MID1: variants seen among roughly 807,000 people sequenced by gnomAD.
The protein encoded by MID1 is midline 1.
In MID1, 7 loss-of-function variants were observed where a neutral mutation model predicts 40.4. That is an observed-to-expected ratio of 0.17 (90% CI 0.10 to 0.33). The LOEUF (loss-of-function observed/expected upper bound fraction) is 0.33, where lower values mean the gene tolerates loss of function less well. Among genes scored for constraint, MID1 ranks in the 10% least tolerant of loss-of-function variants. MID1 has a pLI of 1.00. For synonymous variants in MID1, 229 were observed against 221.2 expected (o/e 1.04, Z -0.31); for missense variants, 367 against 558.5 (o/e 0.66, Z 3.46).
At chrX:10,774,130 T>C (rs191155703) in intron 1 of MID1, among the ~76,000 whole-genome samples, 1,121 of 111,289 alleles carry the variant, frequency 0.01, 5 homozygotes, top group Non-Finnish European at 0.015. Context: ...AAAGAGGCTA[T>C]TGAAGTTCCA....
intron 1 of MID1, among the ~76,000 whole-genome samples, chrX:10,617,065 AATG>A (rs1427306842): frequency 8.9e-6 from 1 of 112,317 alleles, no homozygotes. Flanking sequence ...CCAGTTACAG[AATG>A]ATAAGAAAAA....
Position 10,593,704 on chromosome X carries a change from T to C in MID1, c.-56-26101A>G, listed in dbSNP as rs191120043. Reference sequence around the variant, plus strand: ...GGATAAGACTGGGACTCATGTTCTCTCTCTGAATACCCACACACTCTCACA... The same window carrying C: ...GGATAAGACTGGGACTCATGTTCTCCCTCTGAATACCCACACACTCTCACA... On this transcript the variant is annotated intron_variant, in intron 1 of 9. Transcript: ENST00000317552. Among the ~76,000 whole-genome samples, 320 of 107,879 alleles carry C rather than the reference T, an allele frequency of 3.0e-3. 3 individuals carry two copies. The highest frequency in any genetic ancestry group is 0.01 in the African/African-American group (306 of 29,473). 93.7% of individuals were successfully genotyped at this position (107,879 alleles called of 115,157 possible).
chrX:10,496,249 A>C (rs1379657867), intron 3 of MID1, among the ~76,000 whole-genome samples: 1 of 112,285 alleles, frequency 8.9e-6, no homozygotes, highest in Non-Finnish European at 1.9e-5. Context: ...ATGGTTCAAT[A>C]GTTTATTAAT....
chrX:10,605,370 G>A (rs1371625173), intron 1 of MID1, among the ~76,000 whole-genome samples: 2 of 111,778 alleles, frequency 1.8e-5, no homozygotes, highest in African/African-American at 6.5e-5. Flanking sequence ...GAAGTCACCA[G>A]GAGAATGCAT....
intron 1 of MID1, among the ~76,000 whole-genome samples, chrX:10,764,447 A>G (rs760736555): frequency 3.6e-5 from 4 of 112,038 alleles, no homozygotes; most frequent in African/African-American, 1.3e-4. Context: ...AAACTCTAAG[A>G]CAAAAATAAT....
At chrX:10,455,119 G>T in intron 8 of MID1, 42 bp from the exon 9 acceptor site, 1 of 1,093,550 alleles carries the variant, frequency 9.1e-7, no homozygotes, top group Middle Eastern at 2.5e-4. Flanking sequence ...AGAGGAAGAG[G>T]ATTGTTTATT....
At chrX:10,617,816 T>C (rs1935864412) in intron 1 of MID1, among the ~76,000 whole-genome samples, 1 of 112,404 alleles carries the variant, frequency 8.9e-6, no homozygotes, top group Non-Finnish European at 1.9e-5. Flanking sequence ...GGAAGGTTCA[T>C]AAAAGTTTCC....
chrX:10,730,733 G>A (rs190791480), intron 1 of MID1, among the ~76,000 whole-genome samples: 12 of 109,003 alleles, frequency 1.1e-4, no homozygotes, highest in African/African-American at 3.0e-4. Context: ...CACCACGCCC[G>A]GCTAATTTTT....
At chrX:10,816,021 C>T (rs2044133951) in intron 1 of MID1, among the ~76,000 whole-genome samples, 1 of 111,882 alleles carries the variant, frequency 8.9e-6, no homozygotes, top group Admixed American at 9.5e-5. Flanking sequence ...GACTCTCAGG[C>T]TTCATTCTCA....
intron 1 of MID1, among the ~76,000 whole-genome samples, chrX:10,749,908 T>C (rs1333892979): frequency 9.0e-6 from 1 of 111,400 alleles, no homozygotes; most frequent in African/African-American, 3.3e-5. Flanking sequence ...ATACTGGGGA[T>C]TACAATCCAA....
At chrX:10,762,286 C>A (rs2043684886) in intron 1 of MID1, among the ~76,000 whole-genome samples, 1 of 110,962 alleles carries the variant, frequency 9.0e-6, no homozygotes, top group South Asian at 3.8e-4. Flanking sequence ...CTTCGCTTTT[C>A]CTTGCCTTCT....
intron 1 of MID1, among the ~76,000 whole-genome samples, chrX:10,685,407 C>T (rs2043088321): frequency 8.9e-6 from 1 of 112,007 alleles, no homozygotes; most frequent in Non-Finnish European, 1.9e-5. Flanking sequence ...AACTGCTTTT[C>T]CCCAAAGCCA....
chrX:10,640,038 C>T (rs996672864), intron 1 of MID1, among the ~76,000 whole-genome samples: 2 of 111,935 alleles, frequency 1.8e-5, no homozygotes, highest in Non-Finnish European at 3.8e-5. Context: ...AGAGGAACAA[C>T]AGGTACCAGC....
At chrX:10,802,250 C>G (rs993397859) in intron 1 of MID1, among the ~76,000 whole-genome samples, 1 of 111,795 alleles carries the variant, frequency 8.9e-6, no homozygotes, top group Non-Finnish European at 1.9e-5. Context: ...AACAAACTTA[C>G]AAAATTGGAG....
intron 1 of MID1, among the ~76,000 whole-genome samples, chrX:10,629,949 G>T (rs1452391541): frequency 8.9e-6 from 1 of 112,139 alleles, no homozygotes; most frequent in Non-Finnish European, 1.9e-5. Context: ...ATAAGAAAAA[G>T]AATCGGAGAG....
intron 1 of MID1, among the ~76,000 whole-genome samples, chrX:10,777,769 G>C (rs1449108132): frequency 9.0e-6 from 1 of 111,190 alleles, no homozygotes; most frequent in African/African-American, 3.3e-5. Flanking sequence ...TTGAACTCCT[G>C]ACCTCGTGAT....
intron 1 of MID1, among the ~76,000 whole-genome samples, chrX:10,604,228 T>A: frequency 9.0e-6 from 1 of 111,556 alleles, no homozygotes; most frequent in East Asian, 2.8e-4. Context: ...TATTTCAAAA[T>A]ACATAGACAC....
intron 1 of MID1, among the ~76,000 whole-genome samples, chrX:10,596,714 A>T (rs770445011): frequency 4.3e-4 from 48 of 111,885 alleles, no homozygotes; most frequent in African/African-American, 1.5e-3. Context: ...ACAGTTTATG[A>T]ATTTAAAAAG....
intron 1 of MID1, among the ~76,000 whole-genome samples, chrX:10,746,277 G>GC (rs1390935927): frequency 9.0e-6 from 1 of 111,438 alleles, no homozygotes; most frequent in Non-Finnish European, 1.9e-5. Flanking sequence ...ATAGCTAAGG[G>GC]CTGTTGTACT....
Sources: gnomAD v4.1 joint callset for allele counts (sites outside exome capture counted in the v4.1 genomes callset) on GRCh38, gnomAD v4.1.1 for gene constraint, MANE v1.5 for transcripts, NCBI Gene and HGNC (gene_info 2026-07-23, HGNC 2026-07-21) for gene names.